KDM5A: variants seen among roughly 807,000 people sequenced by gnomAD.
KDM5A encodes lysine demethylase 5A.
A neutral mutation model predicts 193.5 loss-of-function variants in KDM5A; 42 were observed. That is an observed-to-expected ratio of 0.22 (90% confidence interval 0.17 to 0.28). The LOEUF (loss-of-function observed/expected upper bound fraction) is 0.28. KDM5A is among the 10% of genes least tolerant of loss of function. The pLI, the probability that KDM5A is intolerant of heterozygous loss-of-function variation, is 1.00. For synonymous variants in KDM5A, 796 were observed against 718.1 expected, an observed-to-expected ratio of 1.11 and a Z score of -1.73; for missense variants, 1,692 against 2,055.1, an observed-to-expected ratio of 0.82 and a Z score of 3.42.
intron 5 of KDM5A, among the ~76,000 whole-genome samples, chr12:362,569 G>T (rs954631672): frequency 2.0e-5 from 3 of 152,272 alleles, no homozygotes; most frequent in Admixed American, 6.5e-5. Context: ...CTATAAAATT[G>T]GCACTACAGT....
At chr12:293,514 C>G (rs1318594119) in intron 26 of KDM5A, among the ~76,000 whole-genome samples, 1 of 152,146 alleles carries the variant, frequency 6.6e-6, no homozygotes, top group Non-Finnish European at 1.5e-5. Context: ...CACAGTGGTT[C>G]AGGCCTGTAA....
rs2137350701 is a variant in KDM5A, at chr12:282,728, G to A, written c.*2728C>T. The A allele has an allele frequency of 4.3e-6, 1 of 232,758 alleles. No individual in the cohort carries two copies. The highest frequency in any genetic ancestry group is 6.1e-5 in the East Asian group (1 of 16,458). 14.4% of individuals were successfully genotyped at this position (232,758 alleles called of 1,614,324 possible). A position where few individuals can be genotyped will look rare whatever the true frequency, so the allele number is the denominator to read the frequency against. On this transcript the variant is annotated 3_prime_UTR_variant, in exon 28 of 28. Transcript: ENST00000399788. ...TTGCAACTTCAGTTGCAGTTTAGAG[G>A]AGATAAGGGTAGAAAGACATTTTAA...
chr12:282,187 C>T lies in KDM5A; in HGVS notation c.*3269G>A, dbSNP rs1009120496. On this transcript the variant is annotated 3_prime_UTR_variant, in exon 28 of 28. Transcript: ENST00000399788. ...TCCTTTAAAAAAAGAGAGAGACAGA[C>T]AGACACATGGGGTCTCGCTGTTGAC... The T allele has an allele frequency of 4.0e-6, 1 of 252,832 alleles. No individual in the cohort carries two copies. The allele number at this position is 252,832 out of a possible 1,614,324, so 15.7% of individuals were successfully genotyped here.
intron 14 of KDM5A, among the ~76,000 whole-genome samples, chr12:327,363 G>A (rs1231290367): frequency 6.6e-6 from 1 of 152,132 alleles, no homozygotes; most frequent in African/African-American, 2.4e-5. Flanking sequence ...TCTAGGCAAT[G>A]AGAAAAAGAA....
chr12:323,117 G>T lies in KDM5A; in HGVS notation c.2240C>A (p.Thr747Lys). The T allele has an allele frequency of 1.3e-6, 2 of 1,492,296 alleles. No individual in the cohort carries two copies. Among genetic ancestry groups the T allele is most frequent in the Non-Finnish European group, 1.8e-6 (2 of 1,105,102 alleles). The allele number at this position is 1,492,296 out of a possible 1,614,324, so 92.4% of individuals were successfully genotyped here. The stretch of plus-strand genomic sequence containing the variant: ...GTTGAAGTTAGCAGACAATGCTTCT[G>T]TAACACGACTGACCCAAGTGTCATA... ...QSYDTWVSRV[T>K]EALSANFNHK... The change falls in exon 16 of 28, where the codon ACA becomes AAA. Residue 747 changes from threonine (T) to lysine (K), a missense_variant. Around this residue, in one of 11 missense-constraint regions of KDM5A, gnomAD observed 965 missense variants for 1,061.0 expected, o/e 0.91. Coordinates refer to ENST00000399788, the MANE Select transcript of KDM5A (RefSeq NM_001042603.3).
At position 295,557 on chromosome 12, in the gene KDM5A, A is replaced by C. The variant is rs764466058; in HGVS notation, c.4455+16T>G. 6.2e-7 allele frequency: 1 copy of C among 1,608,756 alleles called. No homozygotes were observed. The highest frequency in any genetic ancestry group is 8.5e-7 in the Non-Finnish European group (1 of 1,175,066). On this transcript the variant is annotated intron_variant, in intron 26 of 27. Coordinates refer to ENST00000399788, the MANE Select transcript of KDM5A (RefSeq NM_001042603.3). ...CTAGTTTTTAACCACTGTTTAAATA[A>C]GTATTAAATCCACACCTCCATGATA...
At chr12:318,027 T>G in intron 19 of KDM5A, 79 bp downstream of exon 19, 2 of 1,053,500 alleles carry the variant, frequency 1.9e-6, no homozygotes, top group Non-Finnish European at 2.9e-6. Flanking sequence ...TTTAATGAAA[T>G]AAGCTTTTAA....
At chr12:303,470 T>C (rs749789311) in intron 24 of KDM5A, among the ~76,000 whole-genome samples, 5 of 152,120 alleles carry the variant, frequency 3.3e-5, no homozygotes, top group South Asian at 4.2e-4. Context: ...AACGAGAACA[T>C]ATGGACACAG....
At position 286,395 on chromosome 12, in the gene KDM5A, G is replaced by A. The variant is rs7301878; in HGVS notation, c.4867-733C>T. On this transcript the variant is annotated intron_variant, in intron 27 of 27. Coordinates refer to ENST00000399788, the MANE Select transcript of KDM5A (RefSeq NM_001042603.3). ...GATTACAGGAGGCTAGGAAGGGATT[G>A]TAGTTTGGTGACTTTAAGCCTTGGA... 9.0e-3 allele frequency among the ~76,000 whole-genome samples: 1,370 copies of A among 152,318 alleles called. 29 individuals carry two copies. Among genetic ancestry groups the A allele is most frequent in the African/African-American group, 0.031 (1,279 of 41,568 alleles).
At chr12:314,062 T>A (rs560779324) in intron 19 of KDM5A, among the ~76,000 whole-genome samples, 3 of 152,216 alleles carry the variant, frequency 2.0e-5, no homozygotes, top group African/African-American at 7.2e-5. Flanking sequence ...CTGAGAGCCA[T>A]GGACTTCATC....
intron 3 of KDM5A, among the ~76,000 whole-genome samples, chr12:375,171 T>C (rs1944486612): frequency 1.3e-5 from 2 of 152,224 alleles, no homozygotes; most frequent in South Asian, 4.1e-4. Flanking sequence ...TGCAGAGTGT[T>C]TTCCAGCTTG....
intron 3 of KDM5A, among the ~76,000 whole-genome samples, chr12:370,683 G>A (rs1473496665): frequency 6.6e-6 from 1 of 151,758 alleles, no homozygotes; most frequent in African/African-American, 2.4e-5. Flanking sequence ...TGTTACATAT[G>A]TATACGTGTG....
At chr12:339,230 G>A (rs1943971222) in intron 10 of KDM5A, among the ~76,000 whole-genome samples, 1 of 151,198 alleles carries the variant, frequency 6.6e-6, no homozygotes, top group South Asian at 2.1e-4. Flanking sequence ...ATACCAAAAG[G>A]GTAACTCATA....
chr12:317,367 G>A (rs1046564522), intron 19 of KDM5A, among the ~76,000 whole-genome samples: 2 of 151,954 alleles, frequency 1.3e-5, no homozygotes, highest in African/African-American at 4.8e-5. Context: ...CTTCTCTACT[G>A]ACCACCCAAG....
At chr12:370,245 T>C (rs1170079848) in intron 3 of KDM5A, among the ~76,000 whole-genome samples, 1 of 151,866 alleles carries the variant, frequency 6.6e-6, no homozygotes, top group Non-Finnish European at 1.5e-5. Context: ...ATACAAAAAT[T>C]AGCAGGGCGT....
intron 1 of KDM5A, chr12:387,291 A>G: frequency 2.7e-6 from 1 of 365,830 alleles, no homozygotes; most frequent in East Asian, 9.2e-5. Flanking sequence ...TTAAATTCTG[A>G]TTGTAAACAA....
chr12:329,498 GA>G (rs1453029283), intron 13 of KDM5A, among the ~76,000 whole-genome samples: 1 of 150,374 alleles, frequency 6.7e-6, no homozygotes, highest in African/African-American at 2.4e-5. Context: ...AAAAAAAAAA[GA>G]AAAAAATAGG....
At chr12:369,248 G>A (rs1188327040) in intron 3 of KDM5A, among the ~76,000 whole-genome samples, 1 of 152,168 alleles carries the variant, frequency 6.6e-6, no homozygotes, top group Non-Finnish European at 1.5e-5. Flanking sequence ...CAATGAAAAT[G>A]GTTTAGATAG....
At chr12:316,349 C>CTCATAAATGCTATG in intron 19 of KDM5A, among the ~76,000 whole-genome samples, 1 of 152,230 alleles carries the variant, frequency 6.6e-6, no homozygotes. Context: ...GTCTTGTTCA[C>CTCATAAATGCTATG]TACTGTCTAC....
Sources: gnomAD v4.1 joint callset for allele counts (sites outside exome capture counted in the v4.1 genomes callset) on GRCh38, gnomAD v4.1.1 for gene constraint, gnomAD v4.1.1 regional missense constraint, MANE v1.5 for transcripts, NCBI Gene and HGNC (gene_info 2026-07-23, HGNC 2026-07-21) for gene names.